The following NCALD variants were observed in gnomAD, a reference collection of about 807,000 sequenced individuals.
NCALD encodes neurocalcin-delta.
NCALD carries 10 observed loss-of-function variants against 18.6 expected under a neutral mutation model. The ratio of observed to expected loss-of-function variants is 0.54; its 90% CI spans 0.33 to 0.91. The LOEUF is 0.91. NCALD is among the 40% of genes least tolerant of loss of function. NCALD has a pLI of 0.03. For synonymous variants in NCALD, 88 were observed against 87.4 expected (o/e 1.01, Z -0.04); for missense variants, 184 against 247.6 (o/e 0.74, Z 1.72).
At chr8:102,073,999 T>C (rs1367343170) in intron 1 of NCALD, among the ~76,000 whole-genome samples, 1 of 152,204 alleles carries the variant, frequency 6.6e-6, no homozygotes, top group Non-Finnish European at 1.5e-5. Context: ...TTGTGATCAT[T>C]TCTATGTGTA....
intron 2 of NCALD, among the ~76,000 whole-genome samples, chr8:101,920,888 A>C (rs1818141351): frequency 1.3e-5 from 2 of 152,212 alleles, no homozygotes; most frequent in Non-Finnish European, 2.9e-5. Context: ...TAAAAGTTGG[A>C]AAAAAGGAAC....
At chr8:101,852,360 C>T (rs1185189483) in intron 4 of NCALD, among the ~76,000 whole-genome samples, 1 of 152,184 alleles carries the variant, frequency 6.6e-6, no homozygotes, top group Non-Finnish European at 1.5e-5. Flanking sequence ...CCCTTGGTCC[C>T]TCAGACCTCA....
At chr8:101,842,836 G>C (rs1685903303) in intron 4 of NCALD, among the ~76,000 whole-genome samples, 1 of 152,236 alleles carries the variant, frequency 6.6e-6, no homozygotes, top group Non-Finnish European at 1.5e-5. Context: ...GCTTGAGATA[G>C]CTGTTGGATG....
At chr8:101,848,382 A>T (rs1270926639) in intron 4 of NCALD, among the ~76,000 whole-genome samples, 7 of 152,152 alleles carry the variant, frequency 4.6e-5, no homozygotes, top group Non-Finnish European at 5.9e-5. Flanking sequence ...ACTTGAAAAA[A>T]GTTTTGTCTG....
intron 1 of NCALD, among the ~76,000 whole-genome samples, chr8:102,053,242 T>A (rs1043990848): frequency 3.9e-5 from 6 of 152,326 alleles, no homozygotes; most frequent in South Asian, 2.1e-4. Context: ...TTGATTTTTT[T>A]AAAATCTAAT....
intron 1 of NCALD, among the ~76,000 whole-genome samples, chr8:101,786,551 C>A (rs1416872936): frequency 6.6e-6 from 1 of 152,146 alleles, no homozygotes; most frequent in Non-Finnish European, 1.5e-5. Flanking sequence ...TGAATCATAT[C>A]AAAGTCTGTG....
intron 4 of NCALD, among the ~76,000 whole-genome samples, chr8:101,859,331 T>C (rs1815445443): frequency 6.6e-6 from 1 of 152,212 alleles, no homozygotes; most frequent in Non-Finnish European, 1.5e-5. Flanking sequence ...TCCCTACTTT[T>C]AAGGTTTTGG....
chr8:101,861,584 A>G (rs887404840), intron 4 of NCALD, among the ~76,000 whole-genome samples: 1 of 152,154 alleles, frequency 6.6e-6, no homozygotes, highest in Non-Finnish European at 1.5e-5. Flanking sequence ...TCACCAAAGT[A>G]TACAAGTGCC....
chr8:102,075,779 T>C (rs1401799338), intron 1 of NCALD, among the ~76,000 whole-genome samples: 1 of 151,994 alleles, frequency 6.6e-6, no homozygotes, highest in Non-Finnish European at 1.5e-5. Flanking sequence ...ATGGTGAAAC[T>C]TTGTCTCTAA....
intron 3 of NCALD, among the ~76,000 whole-genome samples, chr8:101,909,613 G>T (rs1586738998): frequency 6.6e-6 from 1 of 152,002 alleles, no homozygotes; most frequent in South Asian, 2.1e-4. Context: ...CCTCAGAATA[G>T]GCTTTGTTAT....
chr8:101,807,256 T>C (rs1036742915), intron 4 of NCALD, among the ~76,000 whole-genome samples: 30 of 152,180 alleles, frequency 2.0e-4, no homozygotes, highest in African/African-American at 6.8e-4. Flanking sequence ...GCATATTTCT[T>C]CTTCTTTCTT....
chr8:102,047,349 A>T (rs1357916175), intron 1 of NCALD, among the ~76,000 whole-genome samples: 1 of 152,046 alleles, frequency 6.6e-6, no homozygotes, highest in Non-Finnish European at 1.5e-5. Context: ...TTTGAAAGAC[A>T]CTCTTGGCTT....
At chr8:101,893,584 T>A in intron 3 of NCALD, among the ~76,000 whole-genome samples, 1 of 120,510 alleles carries the variant, frequency 8.3e-6, no homozygotes, top group African/African-American at 3.8e-5. Context: ...GGATAAAGAG[T>A]CAAGACCCAT....
At chr8:102,051,542 T>A (rs1336109365) in intron 1 of NCALD, among the ~76,000 whole-genome samples, 8 of 152,216 alleles carry the variant, frequency 5.3e-5, no homozygotes, top group Admixed American at 4.6e-4. Flanking sequence ...TAAAACTGCC[T>A]TTTCTGCACA....
chr8:101,917,471 A>G (rs1163354393), intron 2 of NCALD, among the ~76,000 whole-genome samples: 1 of 152,134 alleles, frequency 6.6e-6, no homozygotes, highest in Non-Finnish European at 1.5e-5. Context: ...GCAGAAGAAA[A>G]TAAATAAAAT....
intron 2 of NCALD, among the ~76,000 whole-genome samples, chr8:101,931,381 C>A (rs1362537863): frequency 2.0e-5 from 3 of 152,152 alleles, no homozygotes; most frequent in Non-Finnish European, 2.9e-5. Flanking sequence ...CCTAAAATAA[C>A]CCTGTTAACA....
At chr8:101,950,686 C>CA (rs1819380497) in intron 2 of NCALD, among the ~76,000 whole-genome samples, 1 of 152,148 alleles carries the variant, frequency 6.6e-6, no homozygotes, top group African/African-American at 2.4e-5. Context: ...TGTGTCCCCC[C>CA]ACTTGTTCCT....
At chr8:101,999,831 G>A (rs954854852) in intron 2 of NCALD, among the ~76,000 whole-genome samples, 58 of 151,886 alleles carry the variant, frequency 3.8e-4, no homozygotes, top group African/African-American at 1.3e-3. Context: ...TTTTTCTTTA[G>A]TTCCTAGAGT....
intron 1 of NCALD, among the ~76,000 whole-genome samples, chr8:102,069,788 C>A (rs763127815): frequency 2.6e-5 from 4 of 152,176 alleles, no homozygotes; most frequent in Non-Finnish European, 4.4e-5. Context: ...GATTTCCAAA[C>A]AGGATATATA....
Sources: gnomAD v4.1 joint callset for allele counts (sites outside exome capture counted in the v4.1 genomes callset) on GRCh38, gnomAD v4.1.1 for gene constraint, MANE v1.5 for transcripts, NCBI Gene and HGNC (gene_info 2026-07-23, HGNC 2026-07-21) for gene names.